Variants in CASP9 observed in about 807,000 individuals in gnomAD.
CASP9 encodes caspase-9.
A neutral mutation model predicts 43.5 loss-of-function variants in CASP9; 29 were observed. The observed-to-expected ratio is 0.67, with a 90% CI of 0.50 to 0.91. The LOEUF (loss-of-function observed/expected upper bound fraction) is 0.91. CASP9 is among the 40% of genes least tolerant of loss of function. The pLI, the probability that CASP9 is intolerant of heterozygous loss-of-function variation, is 0.00. For missense variants in CASP9, 575 were observed against 537.4 expected, an observed-to-expected ratio of 1.07 and a Z score of -0.69; for synonymous variants, 206 against 211.9, an observed-to-expected ratio of 0.97 and a Z score of 0.24.
chr1:15,521,152 G>A (rs113774061), intron 1 of CASP9, among the ~76,000 whole-genome samples: 6,337 of 104,212 alleles, frequency 0.061, 256 homozygotes, highest in African/African-American at 0.16. Context: ...GCGAGACTCC[G>A]TCTCAAAAAA....
chr1:15,500,640 C>A (rs1249586620), intron 6 of CASP9, among the ~76,000 whole-genome samples: 3 of 152,168 alleles, frequency 2.0e-5, no homozygotes, highest in African/African-American at 7.2e-5. Context: ...ATGTTTTTCT[C>A]CAGATTTTGT....
chr1:15,502,746 A>G (rs566909457), intron 6 of CASP9, among the ~76,000 whole-genome samples: 1 of 152,326 alleles, frequency 6.6e-6, no homozygotes, highest in East Asian at 1.9e-4. Context: ...AACTGTCCAG[A>G]AAGTAGGTAT....
chr1:15,510,636 G>C (rs1335428922), intron 2 of CASP9, among the ~76,000 whole-genome samples: 1 of 152,020 alleles, frequency 6.6e-6, no homozygotes, highest in Non-Finnish European at 1.5e-5. Flanking sequence ...ATCAACCAAG[G>C]GGTGCCCAAA....
chr1:15,496,478 C>G (rs987200026), intron 6 of CASP9, among the ~76,000 whole-genome samples: 1 of 152,128 alleles, frequency 6.6e-6, no homozygotes, highest in Admixed American at 6.5e-5. Context: ...AAAATTATCT[C>G]TACTCACAAA....
intron 2 of CASP9, among the ~76,000 whole-genome samples, chr1:15,515,071 C>A (rs12026303): frequency 0.59 from 89,159 of 151,976 alleles, 26,814 homozygotes; most frequent in African/African-American, 0.71. Flanking sequence ...ATTTACCCTT[C>A]AGAATTAAGC....
intron 7 of CASP9, 88 bp from the exon 8 acceptor site, chr1:15,494,089 GC>G: frequency 1.3e-6 from 2 of 1,502,802 alleles, no homozygotes. Context: ...GCTGGCTCGG[GC>G]GCCCTCCAGA....
At chr1:15,516,199 C>CT (rs1455565315) in intron 2 of CASP9, among the ~76,000 whole-genome samples, 10 of 136,054 alleles carry the variant, frequency 7.4e-5, no homozygotes, top group African/African-American at 2.5e-4. Context: ...GAGACTCCCT[C>CT]TTAAAAAAAA....
At chr1:15,524,484 T>A (rs1243173314), upstream of CASP9, 102 of 734,882 alleles carry the variant, frequency 1.4e-4, no homozygotes, top group Non-Finnish European at 1.6e-4. Context: ...ACGCTCCGCG[T>A]CACCGCCCCG....
intron 3 of CASP9, 53 bp from the exon 4 acceptor site, chr1:15,507,128 G>T (rs745918038): frequency 1.2e-6 from 2 of 1,608,542 alleles, no homozygotes; most frequent in Admixed American, 1.7e-5. Flanking sequence ...CTCCCTAGAG[G>T]ACAGTCTGGA....
chr1:15,493,420 G>A, intron 8 of CASP9: 1 of 1,244,468 alleles, frequency 8.0e-7, no homozygotes, highest in Non-Finnish European at 1.0e-6. Context: ...TTTCTATGGA[G>A]TAGGACTGGG....
chr1:15,503,404 T>A (rs558667638), intron 6 of CASP9, among the ~76,000 whole-genome samples: 1 of 152,284 alleles, frequency 6.6e-6, no homozygotes, highest in African/African-American at 2.4e-5. Flanking sequence ...CAGTAGCCCA[T>A]CCAGGGTTAA....
chr1:15,500,328 C>T (rs762958770), intron 6 of CASP9, among the ~76,000 whole-genome samples: 10 of 152,122 alleles, frequency 6.6e-5, no homozygotes, highest in Non-Finnish European at 5.9e-5. Flanking sequence ...GTGGCCGCAA[C>T]GCAGGCAGGT....
intron 2 of CASP9, among the ~76,000 whole-genome samples, chr1:15,512,722 G>A (rs553664935): frequency 3.3e-5 from 5 of 152,122 alleles, no homozygotes; most frequent in South Asian, 2.1e-4. Context: ...ATATATATCC[G>A]TGTGTGTATG....
chr1:15,524,701 G>A, upstream of CASP9: 3 of 1,033,058 alleles, frequency 2.9e-6, no homozygotes, highest in South Asian at 2.8e-5. Flanking sequence ...ACGCCTCCGC[G>A]CCTCGCCCTG....
chr1:15,521,757 C>T (rs1312082531), intron 1 of CASP9, among the ~76,000 whole-genome samples: 2 of 152,166 alleles, frequency 1.3e-5, no homozygotes, highest in Non-Finnish European at 2.9e-5. Flanking sequence ...TGGTAGTGGT[C>T]CCCCGGGCCC....
rs779201404 is a variant in CASP9, at chr1:15,524,181, C to T, written c.20G>A (p.Arg7Gln). 8.0e-5 allele frequency: 124 copies of T among 1,546,002 alleles called. No individual in the cohort carries two copies. The highest frequency in any genetic ancestry group is 2.5e-4 in the Admixed American group (13 of 51,724). MDEADR[R>Q]LLRRCRLRLV... is the part of the protein sequence containing the mutation. ...CCGCAGCCGGCACCGCCGCAGGAGC[C>T]GCCGATCCGCTTCGTCCATGGCGAG... The change falls in exon 1 of 9, where the codon CGG (arginine) becomes CAG (glutamine). Residue 7 changes from arginine (R) to glutamine (Q), a missense_variant. Transcript: ENST00000333868.
intron 6 of CASP9, among the ~76,000 whole-genome samples, chr1:15,501,760 T>C (rs1709339843): frequency 1.3e-5 from 2 of 149,410 alleles, no homozygotes; most frequent in Non-Finnish European, 2.9e-5. Context: ...TGGCTCATAT[T>C]TTTTTTTTAT....
At chr1:15,503,733 T>A (rs1404096841) in intron 6 of CASP9, among the ~76,000 whole-genome samples, 1 of 152,202 alleles carries the variant, frequency 6.6e-6, no homozygotes, top group Non-Finnish European at 1.5e-5. Context: ...GACAGCGCTA[T>A]GGTATAACAG....
intron 1 of CASP9, among the ~76,000 whole-genome samples, chr1:15,520,435 CATT>C (rs1486718780): frequency 1.3e-5 from 2 of 152,186 alleles, no homozygotes; most frequent in African/African-American, 2.4e-5. Context: ...TTATTATAAA[CATT>C]ATTAATCATT....
Sources: gnomAD v4.1 joint callset for allele counts (sites outside exome capture counted in the v4.1 genomes callset) on GRCh38, gnomAD v4.1.1 for gene constraint, MANE v1.5 for transcripts, NCBI Gene and HGNC (gene_info 2026-07-23, HGNC 2026-07-21) for gene names.